Variants in OPRD1 observed in about 807,000 individuals in gnomAD.
OPRD1 encodes the protein opioid receptor delta 1, also known as delta-type opioid receptor.
OPRD1 carries 19 observed loss-of-function variants against 17.5 expected under a neutral mutation model. The observed-to-expected ratio is 1.09, with a 90% CI of 0.76 to 1.60. The LOEUF (loss-of-function observed/expected upper bound fraction) is 1.60, where lower values mean the gene tolerates loss of function less well. Ranked by LOEUF, OPRD1 falls within the 40% of genes most tolerant of loss-of-function variation. OPRD1 has a pLI of 0.00. For missense variants in OPRD1, 483 were observed against 547.2 expected (o/e 0.88, Z 1.17); for synonymous variants, 256 against 240.9 (o/e 1.06, Z -0.58).
intron 1 of OPRD1, among the ~76,000 whole-genome samples, chr1:28,825,587 T>G (rs546111304): frequency 1.1e-4 from 16 of 152,268 alleles, no homozygotes; most frequent in African/African-American, 3.6e-4. Flanking sequence ...GGTTTCATCA[T>G]GTTGGTCAGG....
chr1:28,849,626 A>G (rs890792144), intron 1 of OPRD1, among the ~76,000 whole-genome samples: 1 of 152,232 alleles, frequency 6.6e-6, no homozygotes, highest in Admixed American at 6.5e-5. Context: ...TATATTATAT[A>G]TCACCAGATA....
At chr1:28,830,762 G>A (rs1013697090) in intron 1 of OPRD1, among the ~76,000 whole-genome samples, 3 of 152,228 alleles carry the variant, frequency 2.0e-5, no homozygotes, top group African/African-American at 7.2e-5. Flanking sequence ...CCTGTATATG[G>A]AGAGGTCAAA....
At chr1:28,842,674 A>G (rs1297367560) in intron 1 of OPRD1, among the ~76,000 whole-genome samples, 2 of 152,232 alleles carry the variant, frequency 1.3e-5, no homozygotes, top group African/African-American at 4.8e-5. Context: ...AAAGAAAGCA[A>G]AGGGTTTCAC....
chr1:28,834,298 T>C (rs140586650), intron 1 of OPRD1, among the ~76,000 whole-genome samples: 63 of 152,214 alleles, frequency 4.1e-4, no homozygotes, highest in Non-Finnish European at 6.9e-4. Context: ...GGGCAGGAAC[T>C]GTGTCACATT....
rs2089175507 is a variant in OPRD1 at position 28,866,329 on chromosome 1, G to T, written c.*3046G>T. 1.3e-5 allele frequency: 2 copies of T among 152,264 alleles called. No individual in the cohort carries two copies. The highest frequency in any genetic ancestry group is 2.9e-5 in the Non-Finnish European group (2 of 68,058). The allele number at this position is 152,264 out of a possible 1,614,324, so 9.4% of individuals were successfully genotyped here. Reference sequence around the variant, plus strand: ...AAAAGGGTCGGGGACCCTGAAGGATGAATAGGAGTTGGCCACCAAAAAGAG... The same window carrying T: ...AAAAGGGTCGGGGACCCTGAAGGATTAATAGGAGTTGGCCACCAAAAAGAG... On this transcript the variant is annotated 3_prime_UTR_variant, in exon 3 of 3. Coordinates refer to ENST00000234961, the MANE Select transcript of OPRD1 (RefSeq NM_000911.4).
chr1:28,854,226 A>G (rs1248382430), intron 1 of OPRD1, among the ~76,000 whole-genome samples: 1 of 151,908 alleles, frequency 6.6e-6, no homozygotes, highest in African/African-American at 2.4e-5. Flanking sequence ...AAGCCAGTTT[A>G]GGGAGCTGTT....
At position 28,859,014 on chromosome 1, in the gene OPRD1, G is replaced by A. The variant is rs147059624; in HGVS notation, c.288G>A (p.Ala96=). The A allele has an allele frequency of 3.5e-5, 56 of 1,613,924 alleles. No individual in the cohort carries two copies. Among genetic ancestry groups the A allele is most frequent in the Middle Eastern group, 3.3e-4 (2 of 6,062 alleles). The change falls in exon 2 of 3, where the codon GCG becomes GCA. Residue 96 remains alanine, a synonymous_variant. Transcript: ENST00000234961. The part of the protein sequence containing the change: ...IYIFNLALAD[A]LATSTLPFQS... ...TCTTCAACCTGGCCTTAGCCGATGC[G>A]CTGGCCACCAGCACGCTGCCTTTCC...
intron 1 of OPRD1, among the ~76,000 whole-genome samples, chr1:28,854,134 C>T (rs561956691): frequency 1.4e-3 from 220 of 152,202 alleles, no homozygotes; most frequent in African/African-American, 5.0e-3. Context: ...GGAGAGAGGG[C>T]GTGCTACACA....
rs141455323 is a variant in OPRD1, at chr1:28,829,032, T to C, written c.227+16422T>C. 2.2e-3 allele frequency among the ~76,000 whole-genome samples: 332 copies of C among 151,926 alleles called. 1 individual carries two copies. Among genetic ancestry groups the C allele is most frequent in the African/African-American group, 7.4e-3 (306 of 41,438 alleles). On this transcript the variant is annotated intron_variant, in intron 1 of 2. Coordinates refer to ENST00000234961, the MANE Select transcript of OPRD1 (RefSeq NM_000911.4). ...AGAGAGAGGGAGCATCAGTCTCTCCTTGAAGCTTTGTAACCAGGCACTGAC... is the reference window on the plus strand; with the variant it reads ...AGAGAGAGGGAGCATCAGTCTCTCCCTGAAGCTTTGTAACCAGGCACTGAC...
chr1:28,817,871 G>T, intron 1 of OPRD1, among the ~76,000 whole-genome samples: 1 of 136,462 alleles, frequency 7.3e-6, no homozygotes, highest in Non-Finnish European at 1.6e-5. Context: ...CGCCCAACTA[G>T]TTTTTGTGTT....
chr1:28,846,320 G>A (rs931745378), intron 1 of OPRD1, among the ~76,000 whole-genome samples: 1 of 152,158 alleles, frequency 6.6e-6, no homozygotes, highest in African/African-American at 2.4e-5. Context: ...TAGTTTCTCA[G>A]TTCGTAAGGA....
chr1:28,856,084 C>T (rs1027112868), intron 1 of OPRD1, among the ~76,000 whole-genome samples: 3 of 152,172 alleles, frequency 2.0e-5, no homozygotes, highest in Admixed American at 6.5e-5. Context: ...GGGATCAGAG[C>T]GATTCTAAAG....
At chr1:28,861,874 G>A (rs1427134719) in intron 2 of OPRD1, among the ~76,000 whole-genome samples, 2 of 151,018 alleles carry the variant, frequency 1.3e-5, no homozygotes, top group Non-Finnish European at 2.9e-5. Flanking sequence ...ACCCCACTAT[G>A]CTAAATGCTT....
chr1:28,846,624 A>T (rs1332445362), intron 1 of OPRD1, among the ~76,000 whole-genome samples: 4 of 151,490 alleles, frequency 2.6e-5, no homozygotes, highest in Non-Finnish European at 5.9e-5. Context: ...TGGAGGTTGC[A>T]GTGAGCCGAG....
intron 1 of OPRD1, among the ~76,000 whole-genome samples, chr1:28,828,427 A>G (rs1248697971): frequency 1.3e-5 from 2 of 151,460 alleles, no homozygotes; most frequent in South Asian, 2.1e-4. Flanking sequence ...TATAGAGCAC[A>G]GGCAGAGTAG....
intron 1 of OPRD1, among the ~76,000 whole-genome samples, chr1:28,823,586 G>C (rs188094356): frequency 2.1e-4 from 32 of 151,944 alleles, no homozygotes; most frequent in Non-Finnish European, 3.8e-4. Flanking sequence ...TGTAGAGACG[G>C]GGTTTCACCA....
chr1:28,858,115 CTTT>C (rs1233337916), intron 1 of OPRD1, among the ~76,000 whole-genome samples: 7 of 112,954 alleles, frequency 6.2e-5, no homozygotes, highest in African/African-American at 1.7e-4. Context: ...CTTTTTTTTT[CTTT>C]TTTTTTTTTT....
At chr1:28,830,895 C>T (rs973380888) in intron 1 of OPRD1, among the ~76,000 whole-genome samples, 2 of 152,226 alleles carry the variant, frequency 1.3e-5, no homozygotes, top group Non-Finnish European at 2.9e-5. Flanking sequence ...GCCTGGCCCA[C>T]AGCAAGAAGC....
chr1:28,861,146 C>G (rs996218738), intron 2 of OPRD1, among the ~76,000 whole-genome samples: 2 of 152,170 alleles, frequency 1.3e-5, no homozygotes, highest in Admixed American at 1.3e-4. Flanking sequence ...GTCCTGCCAG[C>G]CTGATGTCCT....
Sources: gnomAD v4.1 joint callset for allele counts (sites outside exome capture counted in the v4.1 genomes callset) on GRCh38, gnomAD v4.1.1 for gene constraint, MANE v1.5 for transcripts, NCBI Gene and HGNC (gene_info 2026-07-23, HGNC 2026-07-21) for gene names.